COL25A1: variants seen among roughly 807,000 people sequenced by gnomAD.
COL25A1 encodes collagen alpha-1(XXV) chain.
Under a neutral mutation model 128.4 loss-of-function variants are expected in COL25A1, and 103 were observed. The ratio of observed to expected loss-of-function variants is 0.80; its 90% CI spans 0.68 to 0.94. The LOEUF is 0.94. COL25A1 is among the 40% of genes least tolerant of loss of function. COL25A1 has a pLI of 0.00. For synonymous variants in COL25A1, 279 were observed against 277.2 expected (o/e 1.01, Z -0.06); for missense variants, 745 against 840.0 (o/e 0.89, Z 1.40).
chr4:108,951,279 A>G (rs1451889676), intron 8 of COL25A1, among the ~76,000 whole-genome samples: 1 of 152,224 alleles, frequency 6.6e-6, no homozygotes, highest in African/African-American at 2.4e-5. Context: ...TTCTGACAAA[A>G]GTAAAGAACA....
At chr4:109,267,410 G>A (rs1297945) in intron 3 of COL25A1, among the ~76,000 whole-genome samples, 26,025 of 151,958 alleles carry the variant, frequency 0.17, 3,539 homozygotes, top group African/African-American at 0.36. Flanking sequence ...CTATTCAATT[G>A]TATTTCTAAA....
chr4:109,197,503 T>TA (rs1560851426), intron 3 of COL25A1, among the ~76,000 whole-genome samples: 1 of 127,378 alleles, frequency 7.9e-6, no homozygotes, highest in South Asian at 3.0e-4. Flanking sequence ...TAAATATATA[T>TA]TATATAATAT....
At chr4:108,956,344 A>C (rs1390535132) in intron 8 of COL25A1, among the ~76,000 whole-genome samples, 1 of 152,188 alleles carries the variant, frequency 6.6e-6, no homozygotes, top group Non-Finnish European at 1.5e-5. Context: ...TACACAGATA[A>C]TAATACTTAA....
rs57842656 is a variant in COL25A1 at position 109,019,375 on chromosome 4, C to CAT, written c.421-9002_421-9001dup. Among the ~76,000 whole-genome samples the CAT allele has an allele frequency of 1.8e-3, 89 of 48,874 alleles. 3 individuals carry two copies. The highest frequency in any genetic ancestry group is 2.7e-3 in the South Asian group (5 of 1,826). The allele number at this position is 48,874 out of a possible 152,430, so 32.1% of individuals were successfully genotyped here. ...ACACACACACACACACACACACACA[C>CAT]ATATATATATATATATATATATATT... On this transcript the variant is annotated intron_variant, in intron 5 of 37. Transcript: ENST00000399132.
intron 32 of COL25A1, among the ~76,000 whole-genome samples, chr4:108,830,111 G>T (rs1732902023): frequency 6.6e-6 from 1 of 152,194 alleles, no homozygotes; most frequent in South Asian, 2.1e-4. Flanking sequence ...GCATTCTAAT[G>T]ATTCGAGCTT....
intron 3 of COL25A1, among the ~76,000 whole-genome samples, chr4:109,075,390 G>T (rs955414105): frequency 2.0e-5 from 3 of 151,954 alleles, no homozygotes; most frequent in Non-Finnish European, 4.4e-5. Flanking sequence ...AAACAGAGAA[G>T]AAATTTTAAG....
chr4:109,203,736 A>G (rs1235467607), intron 3 of COL25A1, among the ~76,000 whole-genome samples: 1 of 152,212 alleles, frequency 6.6e-6, no homozygotes, highest in East Asian at 1.9e-4. Flanking sequence ...AAATAAAAGT[A>G]AAGCAATGTT....
intron 16 of COL25A1, among the ~76,000 whole-genome samples, chr4:108,894,393 G>GA (rs1323599985): frequency 6.6e-6 from 1 of 151,974 alleles, no homozygotes; most frequent in Admixed American, 6.6e-5. Flanking sequence ...CCTCGGTGTA[G>GA]AATATTTCCT....
At chr4:109,050,734 C>T (rs896708210) in intron 3 of COL25A1, among the ~76,000 whole-genome samples, 1 of 152,046 alleles carries the variant, frequency 6.6e-6, no homozygotes, top group Non-Finnish European at 1.5e-5. Flanking sequence ...TCAACAACCA[C>T]CTGAATAAAA....
intron 3 of COL25A1, among the ~76,000 whole-genome samples, chr4:109,208,499 A>C (rs200623840): frequency 6.7e-6 from 1 of 150,352 alleles, no homozygotes; most frequent in Non-Finnish European, 1.5e-5. Flanking sequence ...AAAAAAAAAC[A>C]AATTATTAAA....
chr4:108,959,059 G>A (rs1312424357), intron 8 of COL25A1, among the ~76,000 whole-genome samples: 1 of 151,918 alleles, frequency 6.6e-6, no homozygotes, highest in Non-Finnish European at 1.5e-5. Context: ...AACATCAAAA[G>A]CAAAATCATC....
At chr4:108,981,303 C>A (rs541101840) in intron 6 of COL25A1, among the ~76,000 whole-genome samples, 3 of 152,290 alleles carry the variant, frequency 2.0e-5, no homozygotes, top group East Asian at 3.9e-4. Flanking sequence ...TAAACTCATA[C>A]ATAGTTTTCT....
intron 3 of COL25A1, among the ~76,000 whole-genome samples, chr4:109,224,559 T>C (rs915617122): frequency 6.6e-6 from 1 of 152,140 alleles, no homozygotes; most frequent in Non-Finnish European, 1.5e-5. Flanking sequence ...TCAAAGAATG[T>C]AAATTACTTC....
In COL25A1 at chr4:108,906,813, C is replaced by G. The variant is rs141916126; in HGVS notation, c.781-5641G>C. Reference sequence around the variant, plus strand: ...TTTGCTCATTACTCTTTCACAGTGCCTATTAAAACCACTCATACATAATAG... The same window carrying G: ...TTTGCTCATTACTCTTTCACAGTGCGTATTAAAACCACTCATACATAATAG... On this transcript the variant is annotated intron_variant, in intron 13 of 37. Transcript: ENST00000399132. Among the ~76,000 whole-genome samples, 269 of 152,254 alleles carry G rather than the reference C, an allele frequency of 1.8e-3. No individual in the cohort carries two copies. The Middle Eastern group carries it at 0.034, about 19-fold the overall frequency.
At chr4:109,149,122 G>A (rs1771225589) in intron 3 of COL25A1, among the ~76,000 whole-genome samples, 1 of 152,046 alleles carries the variant, frequency 6.6e-6, no homozygotes, top group Non-Finnish European at 1.5e-5. Flanking sequence ...TGAGCTGTAT[G>A]TTGATTTTTG....
At chr4:109,210,906 G>A (rs1474620638) in intron 3 of COL25A1, among the ~76,000 whole-genome samples, 4 of 152,070 alleles carry the variant, frequency 2.6e-5, no homozygotes, top group Admixed American at 6.6e-5. Context: ...TATCCTAAGC[G>A]AGTTAACACA....
chr4:109,022,125 T>C (rs1325708773), intron 5 of COL25A1: 1 of 452,298 alleles, frequency 2.2e-6, no homozygotes, highest in Non-Finnish European at 4.4e-6. Flanking sequence ...AAATCCCTAA[T>C]AAAAACTTGC....
At chr4:108,861,101 A>G in intron 22 of COL25A1, 130 bp from the exon 23 acceptor site, 2 of 703,306 alleles carry the variant, frequency 2.8e-6, no homozygotes, top group South Asian at 1.7e-5. Flanking sequence ...AACAGCAACC[A>G]CCACCAAAAT....
At chr4:109,153,960 G>A (rs932419491) in intron 3 of COL25A1, among the ~76,000 whole-genome samples, 8 of 152,158 alleles carry the variant, frequency 5.3e-5, no homozygotes, top group African/African-American at 1.9e-4. Context: ...CTGCCTGACT[G>A]TACTACCAAC....
Sources: allele counts gnomAD v4.1 joint callset (sites outside exome capture counted in the v4.1 genomes callset), GRCh38; gene constraint gnomAD v4.1.1; transcripts MANE v1.5; gene names NCBI Gene and HGNC (gene_info 2026-07-23, HGNC 2026-07-21).